Variants in KALRN observed in about 807,000 individuals in gnomAD.
KALRN encodes kalirin.
Under a neutral mutation model 353.7 loss-of-function variants are expected in KALRN, and 70 were observed. That is an observed-to-expected ratio of 0.20 (90% confidence interval 0.16 to 0.24). The LOEUF is 0.24. Ranked by LOEUF, KALRN falls within the 10% of genes least tolerant of loss-of-function variation. The probability of loss-of-function intolerance (pLI) is 1.00; values close to 1 mark genes in which losing one functional copy is unlikely to be tolerated. For missense variants in KALRN, 2,791 were observed against 3,756.7 expected (o/e 0.74, Z 6.72); for synonymous variants, 1,391 against 1,434.8 (o/e 0.97, Z 0.69).
At chr3:124,652,513 T>A (rs2083524631) in intron 38 of KALRN, among the ~76,000 whole-genome samples, 1 of 152,214 alleles carries the variant, frequency 6.6e-6, no homozygotes, top group Non-Finnish European at 1.5e-5. Flanking sequence ...CTTTGTCAAG[T>A]CAAAGCAAAG....
intron 1 of KALRN, among the ~76,000 whole-genome samples, chr3:124,044,883 TTCCTTCCTTCCTTCCTTCCTTC>T (rs2149102635): frequency 3.1e-4 from 7 of 22,764 alleles, no homozygotes; most frequent in African/African-American, 6.3e-4. Context: ...CCTTCCTTCC[TTCCTTCCTTCCTTCCTTCCTTC>T]CTTCCTTCTC....
chr3:124,327,127 T>A (rs7635028), intron 7 of KALRN, among the ~76,000 whole-genome samples: 2,386 of 152,274 alleles, frequency 0.016, 68 homozygotes, highest in African/African-American at 0.054. Context: ...GATTGATTTA[T>A]TGCTTTATTG....
At chr3:124,436,988 G>A (rs1269541736) in intron 17 of KALRN, among the ~76,000 whole-genome samples, 3 of 142,262 alleles carry the variant, frequency 2.1e-5, no homozygotes, top group South Asian at 2.3e-4. Flanking sequence ...CTCAAGTTTG[G>A]TGACAGATCT....
At chr3:124,599,387 C>T (rs1458216905) in intron 34 of KALRN, among the ~76,000 whole-genome samples, 1 of 152,154 alleles carries the variant, frequency 6.6e-6, no homozygotes, top group Non-Finnish European at 1.5e-5. Context: ...AGGGCTCTTA[C>T]TTCCTGATTT....
At chr3:124,399,889 T>A (rs905683807) in intron 13 of KALRN, among the ~76,000 whole-genome samples, 2 of 152,154 alleles carry the variant, frequency 1.3e-5, no homozygotes, top group African/African-American at 4.8e-5. Flanking sequence ...GCCAATAGGG[T>A]TTCTGTGGTA....
chr3:124,202,478 A>G (rs1432866778), intron 1 of KALRN, among the ~76,000 whole-genome samples: 6 of 152,120 alleles, frequency 3.9e-5, no homozygotes, highest in Admixed American at 3.9e-4. Context: ...TCTCAAACTC[A>G]TGGGCTCAAG....
intron 28 of KALRN, among the ~76,000 whole-genome samples, chr3:124,486,526 ACTT>A (rs987408361): frequency 9.9e-5 from 15 of 152,170 alleles, no homozygotes; most frequent in Non-Finnish European, 7.4e-5. Flanking sequence ...TAGGGGGTGC[ACTT>A]CTTCTTTGTA....
intron 1 of KALRN, among the ~76,000 whole-genome samples, chr3:124,131,546 T>C (rs929447914): frequency 6.6e-6 from 1 of 152,202 alleles, no homozygotes; most frequent in African/African-American, 2.4e-5. Context: ...CTGATTAGAA[T>C]CACATAAGGT....
chr3:124,068,753 TG>T (rs532257044), intron 1 of KALRN, among the ~76,000 whole-genome samples: 8 of 152,056 alleles, frequency 5.3e-5, no homozygotes, highest in Non-Finnish European at 1.0e-4. Flanking sequence ...ACAGAAGCAC[TG>T]GGGACATATC....
intron 46 of KALRN, 29 bp from the exon 47 acceptor site, chr3:124,666,983 G>C: frequency 6.4e-7 from 1 of 1,570,546 alleles, no homozygotes; most frequent in Non-Finnish European, 8.7e-7. Flanking sequence ...TCTTTTAAAT[G>C]TAAAAAGGAT....
intron 34 of KALRN, among the ~76,000 whole-genome samples, chr3:124,596,208 G>A (rs55734135): frequency 0.15 from 22,992 of 150,062 alleles, 1,911 homozygotes; most frequent in Middle Eastern, 0.19. Context: ...AAAGGACCAG[G>A]TGCAGTAGCT....
intron 51 of KALRN, among the ~76,000 whole-genome samples, chr3:124,691,235 C>T (rs1289399201): frequency 6.6e-6 from 1 of 152,112 alleles, no homozygotes; most frequent in Non-Finnish European, 1.5e-5. Flanking sequence ...TCAAGACCAG[C>T]CTGACCAACG....
At chr3:124,341,930 G>A (rs911337966) in intron 9 of KALRN, among the ~76,000 whole-genome samples, 1 of 152,070 alleles carries the variant, frequency 6.6e-6, no homozygotes, top group African/African-American at 2.4e-5. Context: ...GAAAGGATAT[G>A]GAAAGTGAAG....
intron 13 of KALRN, among the ~76,000 whole-genome samples, chr3:124,403,854 T>A (rs1437915865): frequency 6.6e-6 from 1 of 152,050 alleles, no homozygotes; most frequent in African/African-American, 2.4e-5. Context: ...ATCATACAAT[T>A]TAAGAATTCT....
intron 3 of KALRN, among the ~76,000 whole-genome samples, chr3:124,250,569 A>G (rs912829898): frequency 2.6e-5 from 4 of 152,214 alleles, no homozygotes; most frequent in Non-Finnish European, 5.9e-5. Flanking sequence ...CACTGTGCTT[A>G]GACAGGTCAC....
chr3:124,447,003 G>A (rs2093861844), intron 21 of KALRN, 118 bp downstream of exon 21: 1 of 1,169,806 alleles, frequency 8.5e-7, no homozygotes, highest in Admixed American at 2.2e-5. Context: ...ACAGTGGCAA[G>A]GGGGGAAGCA....
intron 5 of KALRN, among the ~76,000 whole-genome samples, chr3:124,294,939 T>A (rs1213101452): frequency 1.3e-5 from 2 of 152,194 alleles, no homozygotes; most frequent in African/African-American, 4.8e-5. Flanking sequence ...TGAAGTGACT[T>A]TTCCACAGTC....
At chr3:124,391,053 C>G (rs554319928) in intron 11 of KALRN, among the ~76,000 whole-genome samples, 2 of 152,136 alleles carry the variant, frequency 1.3e-5, no homozygotes, top group Non-Finnish European at 2.9e-5. Context: ...TGGACCCATT[C>G]TTTTGGATGT....
intron 57 of KALRN, among the ~76,000 whole-genome samples, chr3:124,704,882 C>T (rs74281223): frequency 1.3e-5 from 2 of 152,132 alleles, no homozygotes; most frequent in African/African-American, 4.8e-5. Context: ...ATGTGAGACA[C>T]AGGAAAGATA....
Sources: allele counts gnomAD v4.1 joint callset (sites outside exome capture counted in the v4.1 genomes callset), GRCh38; gene constraint gnomAD v4.1.1; transcripts MANE v1.5; gene names NCBI Gene and HGNC (gene_info 2026-07-23, HGNC 2026-07-21).